Variants in PXDNL observed in about 807,000 individuals in gnomAD.
The protein encoded by PXDNL is probable oxidoreductase PXDNL.
A neutral mutation model predicts 150.8 loss-of-function variants in PXDNL; 145 were observed. That is an observed-to-expected ratio of 0.96 (90% CI 0.84 to 1.10). The LOEUF is 1.10. PXDNL is among the 50% of genes least tolerant of loss of function. The pLI is 0.00. For synonymous variants in PXDNL, 757 were observed against 725.7 expected, an observed-to-expected ratio of 1.04 and a Z score of -0.69; for missense variants, 2,087 against 1,873.9, an observed-to-expected ratio of 1.11 and a Z score of -2.10.
intron 2 of PXDNL, among the ~76,000 whole-genome samples, chr8:51,609,792 G>A (rs6998159): frequency 0.24 from 36,778 of 151,964 alleles, 5,490 homozygotes; most frequent in African/African-American, 0.41. Context: ...GTTTCCACTC[G>A]TTCTTCACAG....
intron 1 of PXDNL, among the ~76,000 whole-genome samples, chr8:51,772,794 T>C (rs935429771): frequency 6.6e-6 from 1 of 152,146 alleles, no homozygotes; most frequent in Non-Finnish European, 1.5e-5. Context: ...AGAGTCACCA[T>C]AGAACCAAGA....
At chr8:51,799,256 A>G (rs1006679262) in intron 1 of PXDNL, among the ~76,000 whole-genome samples, 5 of 152,136 alleles carry the variant, frequency 3.3e-5, no homozygotes, top group Admixed American at 6.5e-5. Context: ...AGGGAGGGAG[A>G]GCATCAGGAT....
chr8:51,578,609 T>C (rs1195999805), intron 3 of PXDNL, among the ~76,000 whole-genome samples: 2 of 151,876 alleles, frequency 1.3e-5, no homozygotes, highest in Non-Finnish European at 2.9e-5. Context: ...TTTGTACATG[T>C]AGACAAAATT....
At chr8:51,383,707 A>C (rs1317688262) in intron 17 of PXDNL, among the ~76,000 whole-genome samples, 1 of 152,254 alleles carries the variant, frequency 6.6e-6, no homozygotes, top group Non-Finnish European at 1.5e-5. Flanking sequence ...ATTTTAAAAA[A>C]AGTGGTGCTT....
chr8:51,729,125 A>G (rs1816872263), intron 1 of PXDNL, among the ~76,000 whole-genome samples: 1 of 152,194 alleles, frequency 6.6e-6, no homozygotes, highest in African/African-American at 2.4e-5. Context: ...CTAATGATGC[A>G]TTTCTCAGGA....
intron 3 of PXDNL, among the ~76,000 whole-genome samples, chr8:51,569,602 A>G (rs1442799811): frequency 6.6e-6 from 1 of 152,026 alleles, no homozygotes; most frequent in Non-Finnish European, 1.5e-5. Flanking sequence ...TGAAAATTCT[A>G]TCTAAAAGTA....
chr8:51,473,219 T>C (rs947866901), intron 7 of PXDNL, among the ~76,000 whole-genome samples: 15 of 148,888 alleles, frequency 1.0e-4, no homozygotes, highest in Admixed American at 2.0e-4. Flanking sequence ...GTGTTCAAAA[T>C]AGACAAGGTC....
At chr8:51,587,986 C>T (rs1170266677) in intron 3 of PXDNL, among the ~76,000 whole-genome samples, 1 of 151,912 alleles carries the variant, frequency 6.6e-6, no homozygotes, top group Non-Finnish European at 1.5e-5. Flanking sequence ...GTGGTATATG[C>T]AATAAATGAA....
chr8:51,538,760 C>G (rs1184315237), intron 4 of PXDNL, among the ~76,000 whole-genome samples: 1 of 152,062 alleles, frequency 6.6e-6, no homozygotes, highest in Non-Finnish European at 1.5e-5. Context: ...GAGCGAAACT[C>G]TATCTCAAAT....
intron 3 of PXDNL, among the ~76,000 whole-genome samples, chr8:51,590,089 G>C (rs989858760): frequency 2.6e-5 from 4 of 152,058 alleles, no homozygotes; most frequent in Non-Finnish European, 4.4e-5. Context: ...GCCACATTGG[G>C]TCTCTGCTTC....
chr8:51,335,509 C>T (rs1805806635), intron 21 of PXDNL, among the ~76,000 whole-genome samples: 1 of 152,160 alleles, frequency 6.6e-6, no homozygotes, highest in Admixed American at 6.5e-5. Flanking sequence ...GTTCTCACTG[C>T]TCCAACAGTT....
chr8:51,359,568 A>T (rs80323500), intron 19 of PXDNL, among the ~76,000 whole-genome samples: 3 of 142,398 alleles, frequency 2.1e-5, no homozygotes, highest in African/African-American at 7.7e-5. Context: ...AGGAAAAAAA[A>T]ATATTTGGAG....
intron 17 of PXDNL, among the ~76,000 whole-genome samples, chr8:51,401,465 A>G (rs570274497): frequency 1.3e-5 from 2 of 152,274 alleles, no homozygotes; most frequent in Admixed American, 1.3e-4. Context: ...AGGCCCAGCT[A>G]TGTTTGAGCA....
rs567124406 is a variant in PXDNL, at chr8:51,513,797, C to T, written c.381-14027G>A. 5.3e-5 allele frequency among the ~76,000 whole-genome samples: 8 copies of T among 152,300 alleles called. No homozygotes were observed. In the South Asian group the frequency reaches 1.5e-3, roughly 28 times the overall value. ...GTTTGCTCCACAAGAGTCTAACCAA[C>T]TATAAAATTCTACAATGTTCTAAAT... On this transcript the variant is annotated intron_variant, in intron 4 of 22. Coordinates refer to ENST00000356297, the MANE Select transcript of PXDNL (RefSeq NM_144651.5).
intron 1 of PXDNL, among the ~76,000 whole-genome samples, chr8:51,672,113 C>G (rs1031626130): frequency 1.3e-5 from 2 of 152,092 alleles, no homozygotes; most frequent in Non-Finnish European, 1.5e-5. Context: ...TCCCAAGTAG[C>G]TGGGATTACA....
chr8:51,784,237 T>C (rs896309024), intron 1 of PXDNL, among the ~76,000 whole-genome samples: 5 of 152,246 alleles, frequency 3.3e-5, no homozygotes, highest in Non-Finnish European at 7.3e-5. Flanking sequence ...GACATTTCAA[T>C]AAGACATCAC....
At chr8:51,609,792 G>C (rs6998159) in intron 2 of PXDNL, among the ~76,000 whole-genome samples, 1 of 151,912 alleles carries the variant, frequency 6.6e-6, no homozygotes, top group East Asian at 1.9e-4. Context: ...GTTTCCACTC[G>C]TTCTTCACAG....
chr8:51,556,611 G>A (rs1028199450), intron 4 of PXDNL, among the ~76,000 whole-genome samples: 2 of 152,184 alleles, frequency 1.3e-5, no homozygotes, highest in Non-Finnish European at 2.9e-5. Context: ...TGTCACACAA[G>A]TAATAAATGC....
chr8:51,348,453 T>C (rs1300004827), intron 19 of PXDNL, among the ~76,000 whole-genome samples: 2 of 152,194 alleles, frequency 1.3e-5, no homozygotes, highest in Non-Finnish European at 1.5e-5. Flanking sequence ...AATGTTGTAG[T>C]TCTGACATCA....
Sources: allele counts gnomAD v4.1 joint callset (sites outside exome capture counted in the v4.1 genomes callset), GRCh38; gene constraint gnomAD v4.1.1; transcripts MANE v1.5; gene names NCBI Gene and HGNC (gene_info 2026-07-23, HGNC 2026-07-21).